Variants in MOCOS observed in about 807,000 individuals in gnomAD.
MOCOS encodes molybdenum cofactor sulfurase.
MOCOS carries 86 observed loss-of-function variants against 83.6 expected under a neutral mutation model. The observed-to-expected ratio is 1.03, with a 90% CI of 0.86 to 1.23. The LOEUF (loss-of-function observed/expected upper bound fraction) is 1.23, where lower values mean the gene tolerates loss of function less well. Ranked by LOEUF, MOCOS falls within the 50% of genes most tolerant of loss-of-function variation. MOCOS has a pLI of 0.00. For missense variants in MOCOS, 1,120 were observed against 1,126.9 expected, an observed-to-expected ratio of 0.99 and a Z score of 0.09; for synonymous variants, 445 against 434.7, an observed-to-expected ratio of 1.02 and a Z score of -0.29.
At chr18:36,196,866 G>T (rs1210713634) in intron 2 of MOCOS, among the ~76,000 whole-genome samples, 2 of 151,990 alleles carry the variant, frequency 1.3e-5, no homozygotes, top group East Asian at 3.9e-4. Flanking sequence ...GAAATCCAGT[G>T]CAATCTTTCA....
intron 10 of MOCOS, among the ~76,000 whole-genome samples, chr18:36,250,830 G>T (rs1475956732): frequency 6.6e-6 from 1 of 152,138 alleles, no homozygotes; most frequent in Non-Finnish European, 1.5e-5. Flanking sequence ...GGGTTCAAGG[G>T]CTTCTGAAAG....
At chr18:36,197,096 T>C (rs1393532512) in intron 2 of MOCOS, among the ~76,000 whole-genome samples, 2 of 151,888 alleles carry the variant, frequency 1.3e-5, no homozygotes, top group Non-Finnish European at 2.9e-5. Context: ...AAGAGTGACA[T>C]TGGGAGGAGG....
chr18:36,218,005 A>G (rs998741221), intron 8 of MOCOS, among the ~76,000 whole-genome samples: 1 of 152,148 alleles, frequency 6.6e-6, no homozygotes, highest in Non-Finnish European at 1.5e-5. Context: ...CCCAAAGAAC[A>G]TCATCTCCAT....
Position 36,268,860 on chromosome 18 carries a change from A to C in MOCOS, c.*175A>C. On this transcript the variant is annotated 3_prime_UTR_variant, in exon 15 of 15. Transcript: ENST00000261326. ...TTGACTTCTCACCCTGCAAATTTGCACTGGCTGTGCTCAGGAGAGCACTTC... is the reference window on the plus strand; with the variant it reads ...TTGACTTCTCACCCTGCAAATTTGCCCTGGCTGTGCTCAGGAGAGCACTTC... 1 of 643,010 alleles carries C rather than the reference A, an allele frequency of 1.6e-6. No individual in the cohort carries two copies. The highest frequency in any genetic ancestry group is 2.7e-6 in the Non-Finnish European group (1 of 370,812). 39.8% of individuals were successfully genotyped at this position (643,010 alleles called of 1,614,324 possible). A position where few individuals can be genotyped will look rare whatever the true frequency, so the allele number is the denominator to read the frequency against.
chr18:36,237,944 C>T (rs184772650), intron 9 of MOCOS, among the ~76,000 whole-genome samples: 2,415 of 151,330 alleles, frequency 0.016, 61 homozygotes, highest in African/African-American at 0.055. Flanking sequence ...TATTCTCTGA[C>T]GGTAGTTTGT....
In MOCOS at chr18:36,187,548, C is replaced by CGCG; in HGVS notation, c.17_19dup (p.Ala6dup). The stretch of plus-strand genomic sequence containing the variant: ...ATGGACTAGCCGGGGCCATGGCCGG[C>CGCG]GCGGCGGCGGAGTCAGGGCGGGAGC... On this transcript the variant is annotated inframe_insertion, in exon 1 of 15. Coordinates refer to ENST00000261326, the MANE Select transcript of MOCOS (RefSeq NM_017947.4). 2 of 1,237,802 alleles carry CGCG rather than the reference C, an allele frequency of 1.6e-6. No individual in the cohort carries two copies. Among genetic ancestry groups the CGCG allele is most frequent in the Non-Finnish European group, 2.0e-6 (2 of 990,548 alleles). The allele number at this position is 1,237,802 out of a possible 1,614,324, so 76.7% of individuals were successfully genotyped here.
At chr18:36,225,069 A>G (rs1458731107) in intron 9 of MOCOS, among the ~76,000 whole-genome samples, 9 of 152,086 alleles carry the variant, frequency 5.9e-5, no homozygotes, top group Non-Finnish European at 1.0e-4. Flanking sequence ...AATTTCTTAG[A>G]ATATTTTATT....
At chr18:36,222,512 A>G (rs1442960822) in intron 9 of MOCOS, among the ~76,000 whole-genome samples, 2 of 151,886 alleles carry the variant, frequency 1.3e-5, no homozygotes, top group Non-Finnish European at 2.9e-5. Context: ...AACATTTTCC[A>G]TATACCCATT....
intron 12 of MOCOS, among the ~76,000 whole-genome samples, chr18:36,259,552 C>T (rs918433884): frequency 4.2e-5 from 4 of 96,322 alleles, no homozygotes; most frequent in Non-Finnish European, 9.0e-5. Context: ...GTTTTAATAC[C>T]CAAAAAAAAA....
intron 9 of MOCOS, among the ~76,000 whole-genome samples, chr18:36,220,888 C>T (rs921384220): frequency 6.6e-6 from 1 of 150,514 alleles, no homozygotes; most frequent in Admixed American, 6.6e-5. Flanking sequence ...CAGATCGCAC[C>T]ACTGCACTCC....
intron 9 of MOCOS, among the ~76,000 whole-genome samples, chr18:36,247,071 G>A (rs1403262628): frequency 1.3e-5 from 2 of 152,108 alleles, no homozygotes; most frequent in East Asian, 3.9e-4. Context: ...TGGGCAAATG[G>A]AGTTATGTTC....
intron 10 of MOCOS, among the ~76,000 whole-genome samples, chr18:36,249,466 C>T (rs559636761): frequency 6.6e-6 from 1 of 152,188 alleles, no homozygotes; most frequent in African/African-American, 2.4e-5. Context: ...ATGTTGTTCC[C>T]TTCAGAGCCT....
chr18:36,234,163 A>G lies in MOCOS; in HGVS notation c.1960+13946A>G, dbSNP rs577362230. Among the ~76,000 whole-genome samples, 33 of 152,250 alleles carry G rather than the reference A, an allele frequency of 2.2e-4. No homozygotes were observed. The South Asian group carries it at 6.8e-3, about 32-fold the overall frequency. ...TACCTTCTAGGATTTTTATGGTTTC[A>G]TGTCTTAGATTTAAGTCTTTGATCC... On this transcript the variant is annotated intron_variant, in intron 9 of 14. Coordinates refer to ENST00000261326, the MANE Select transcript of MOCOS (RefSeq NM_017947.4).
intron 13 of MOCOS, among the ~76,000 whole-genome samples, chr18:36,264,708 T>G (rs868747962): frequency 6.6e-6 from 1 of 152,060 alleles, no homozygotes; most frequent in Non-Finnish European, 1.5e-5. Flanking sequence ...AATCTTGACT[T>G]CGGTACCACA....
chr18:36,263,015 G>T (rs1182232116), intron 13 of MOCOS, among the ~76,000 whole-genome samples: 1 of 152,152 alleles, frequency 6.6e-6, no homozygotes, highest in Non-Finnish European at 1.5e-5. Context: ...AGGCTGAGGT[G>T]GGAGGATTGC....
intron 9 of MOCOS, among the ~76,000 whole-genome samples, chr18:36,235,000 T>A (rs1808681961): frequency 1.3e-5 from 2 of 152,088 alleles, no homozygotes; most frequent in Non-Finnish European, 2.9e-5. Flanking sequence ...GATCACAACT[T>A]GAGATGAGAT....
intron 9 of MOCOS, among the ~76,000 whole-genome samples, chr18:36,222,563 C>CTAA (rs2091500305): frequency 6.6e-6 from 1 of 151,354 alleles, no homozygotes; most frequent in East Asian, 1.9e-4. Flanking sequence ...CCTAGAAATA[C>CTAA]CTATTCAGGT....
intron 1 of MOCOS, among the ~76,000 whole-genome samples, chr18:36,194,790 A>T (rs1195203908): frequency 6.6e-6 from 1 of 152,146 alleles, no homozygotes; most frequent in African/African-American, 2.4e-5. Flanking sequence ...TCTCTCAGAG[A>T]GAGGTTGGAT....
intron 8 of MOCOS, among the ~76,000 whole-genome samples, chr18:36,219,521 A>T (rs62103123): frequency 0.42 from 62,972 of 151,688 alleles, 14,093 homozygotes; most frequent in East Asian, 0.69. Context: ...TTTACTAAAA[A>T]TACAAAACTT....
Sources: allele counts gnomAD v4.1 joint callset (sites outside exome capture counted in the v4.1 genomes callset), GRCh38; gene constraint gnomAD v4.1.1; transcripts MANE v1.5; gene names NCBI Gene and HGNC (gene_info 2026-07-23, HGNC 2026-07-21).